MICU1: variants seen among roughly 807,000 people sequenced by gnomAD.
MICU1 encodes the protein mitochondrial calcium uptake 1.
Under a neutral mutation model 56.8 loss-of-function variants are expected in MICU1, and 45 were observed. The ratio of observed to expected loss-of-function variants is 0.79; its 90% confidence interval spans 0.62 to 1.02. The LOEUF (loss-of-function observed/expected upper bound fraction) is 1.02, where lower values mean the gene tolerates loss of function less well. MICU1 is among the 50% of genes least tolerant of loss of function. The pLI is 0.00. For synonymous variants in MICU1, 186 were observed against 195.1 expected (o/e 0.95, Z 0.39); for missense variants, 504 against 587.1 (o/e 0.86, Z 1.46).
At position 72,512,329 on chromosome 10, in the gene MICU1, G is replaced by A. The variant is rs971558231; in HGVS notation, c.538-4060C>T. ...TTCACCATATTGGCCAGATGGTCTC[G>A]ATCTCCTAATCTCATGATCTGCCCA... On this transcript the variant is annotated intron_variant, in intron 5 of 11. Coordinates refer to ENST00000361114, the MANE Select transcript of MICU1 (RefSeq NM_001195518.2). 3.8e-4 allele frequency among the ~76,000 whole-genome samples: 58 copies of A among 151,866 alleles called. 1 individual carries two copies. The highest frequency in any genetic ancestry group is 3.2e-3 in the Admixed American group (49 of 15,230).
chr10:72,600,864 A>G (rs1016174789), intron 1 of MICU1, among the ~76,000 whole-genome samples: 1 of 152,170 alleles, frequency 6.6e-6, no homozygotes, highest in African/African-American at 2.4e-5. Context: ...GGGTCTTAGA[A>G]CATATCCCCC....
At chr10:72,529,903 T>C (rs572567286) in intron 5 of MICU1, among the ~76,000 whole-genome samples, 1 of 150,342 alleles carries the variant, frequency 6.7e-6, no homozygotes, top group East Asian at 1.9e-4. Flanking sequence ...AATGACTGTA[T>C]TGACAAATTG....
intron 10 of MICU1, among the ~76,000 whole-genome samples, chr10:72,400,109 A>G (rs1036712830): frequency 6.6e-6 from 1 of 152,214 alleles, no homozygotes; most frequent in Non-Finnish European, 1.5e-5. Flanking sequence ...TCTCAAAGCC[A>G]CATGTATTTT....
intron 4 of MICU1, among the ~76,000 whole-genome samples, chr10:72,546,992 C>T (rs370944715): frequency 2.6e-5 from 4 of 151,660 alleles, no homozygotes; most frequent in Admixed American, 1.3e-4. Context: ...CCTGGGTTCA[C>T]GCCAGTCTCC....
At chr10:72,603,937 A>C (rs1319743645) in intron 1 of MICU1, among the ~76,000 whole-genome samples, 2 of 152,216 alleles carry the variant, frequency 1.3e-5, no homozygotes, top group Non-Finnish European at 2.9e-5. Context: ...TCTGATTGGC[A>C]ATTGGTTGAA....
At chr10:72,403,062 A>G (rs1863507657) in intron 10 of MICU1, among the ~76,000 whole-genome samples, 1 of 152,186 alleles carries the variant, frequency 6.6e-6, no homozygotes, top group South Asian at 2.1e-4. Context: ...CTTCAGATTT[A>G]TGGTAAGTGA....
At chr10:72,538,108 A>G (rs1452001524) in intron 4 of MICU1, among the ~76,000 whole-genome samples, 2 of 152,124 alleles carry the variant, frequency 1.3e-5, no homozygotes, top group Non-Finnish European at 2.9e-5. Context: ...CTATGCCCAC[A>G]GTATTACAAT....
chr10:72,413,818 T>TA (rs1038681756), intron 9 of MICU1, among the ~76,000 whole-genome samples: 3 of 152,034 alleles, frequency 2.0e-5, no homozygotes, highest in Non-Finnish European at 2.9e-5. Flanking sequence ...CAACCTGATT[T>TA]AAAAAAAGAT....
At chr10:72,448,191 A>ATTTTTTTTTTTT (rs879641500) in intron 8 of MICU1, among the ~76,000 whole-genome samples, 2 of 39,492 alleles carry the variant, frequency 5.1e-5, no homozygotes, top group Non-Finnish European at 1.2e-4. Context: ...ATATATATAT[A>ATTTTTTTTTTTT]TATTTTTTTT....
At chr10:72,414,255 A>C (rs1482069275) in intron 9 of MICU1, among the ~76,000 whole-genome samples, 1 of 152,214 alleles carries the variant, frequency 6.6e-6, no homozygotes, top group African/African-American at 2.4e-5. Flanking sequence ...AGTATATCCA[A>C]GCAATAAAAT....
intron 1 of MICU1, among the ~76,000 whole-genome samples, chr10:72,584,136 A>G (rs1233107364): frequency 6.6e-6 from 1 of 152,204 alleles, no homozygotes; most frequent in African/African-American, 2.4e-5. Flanking sequence ...GCAGGTCAAC[A>G]TTCCACAGTA....
intron 1 of MICU1, among the ~76,000 whole-genome samples, chr10:72,614,807 G>C (rs1841938395): frequency 6.6e-6 from 1 of 152,224 alleles, no homozygotes; most frequent in Non-Finnish European, 1.5e-5. Context: ...TGGGGTTTCA[G>C]TTTGGGAAGT....
intron 2 of MICU1, among the ~76,000 whole-genome samples, chr10:72,565,304 C>T (rs1840402826): frequency 6.6e-6 from 1 of 151,956 alleles, no homozygotes. Flanking sequence ...GAATACTATG[C>T]AGCCATAAAA....
chr10:72,392,820 C>T (rs116570229), intron 10 of MICU1, among the ~76,000 whole-genome samples: 2,611 of 152,256 alleles, frequency 0.017, 72 homozygotes, highest in African/African-American at 0.06. Flanking sequence ...ATCACTAGTC[C>T]GGGTCAGGAG....
intron 10 of MICU1, among the ~76,000 whole-genome samples, chr10:72,396,534 T>A (rs1034312690): frequency 1.2e-4 from 19 of 152,058 alleles, no homozygotes; most frequent in Non-Finnish European, 2.6e-4. Context: ...CTAAAAACCT[T>A]GAAAAAAGAT....
intron 8 of MICU1, among the ~76,000 whole-genome samples, chr10:72,430,251 A>G (rs1482021294): frequency 6.6e-6 from 1 of 152,356 alleles, no homozygotes; most frequent in East Asian, 1.9e-4. Context: ...AAGATTTAAA[A>G]AAATGGTATT....
intron 9 of MICU1, among the ~76,000 whole-genome samples, chr10:72,414,580 G>A (rs1273666517): frequency 6.6e-6 from 1 of 152,136 alleles, no homozygotes; most frequent in African/African-American, 2.4e-5. Context: ...TTGGGGTGAT[G>A]GAAATGTTCT....
intron 8 of MICU1, among the ~76,000 whole-genome samples, chr10:72,460,172 T>C (rs1865599946): frequency 6.6e-6 from 1 of 152,208 alleles, no homozygotes; most frequent in Admixed American, 6.5e-5. Context: ...TGGTGCACCA[T>C]TCAAAATACT....
chr10:72,457,829 C>T (rs1001699459), intron 8 of MICU1, among the ~76,000 whole-genome samples: 3 of 152,104 alleles, frequency 2.0e-5, no homozygotes, highest in African/African-American at 7.2e-5. Flanking sequence ...TCCAAAATTT[C>T]TCAGTTTGCT....
Sources: allele counts gnomAD v4.1 joint callset (sites outside exome capture counted in the v4.1 genomes callset), GRCh38; gene constraint gnomAD v4.1.1; transcripts MANE v1.5; gene names NCBI Gene and HGNC (gene_info 2026-07-23, HGNC 2026-07-21).